The following PPP1R3C variants were observed in gnomAD, a reference collection of about 807,000 sequenced individuals.
PPP1R3C encodes PP1 subunit R5.
PPP1R3C carries 20 observed loss-of-function variants against 29.3 expected under a neutral mutation model. The observed-to-expected ratio is 0.68, with a 90% CI of 0.48 to 0.99. PPP1R3C has a LOEUF of 0.99. Ranked by LOEUF, PPP1R3C falls within the 50% of genes least tolerant of loss-of-function variation. The pLI is 0.00. For missense variants in PPP1R3C, 321 were observed against 386.0 expected (o/e 0.83, Z 1.41); for synonymous variants, 123 against 143.1 (o/e 0.86, Z 1.00).
chr10:91,630,271 T>C lies in PPP1R3C; in HGVS notation c.610A>G (p.Met204Val), dbSNP rs754068775. Residue 204 changes from methionine (M) to valine (V), a missense_variant, in exon 2 of 2, where the codon ATG (methionine) becomes GTG (valine). Transcript: ENST00000238994. This position sits in a 1 kb window ranked among gnomAD's most constrained non-coding sequence, Gnocchi z 4.4. ...KNYTDVDCVY[M>V]KNVYGGTDSD... ...TCTGTGCCACCATACACATTTTTCA[T>C]ATAGACACAGTCTACGTCAGTGTAG... The C allele has an allele frequency of 3.2e-5, 51 of 1,614,082 alleles. No homozygotes were observed. Among genetic ancestry groups the C allele is most frequent in the Non-Finnish European group, 4.0e-5 (47 of 1,180,020 alleles).
In PPP1R3C at chr10:91,629,862, CA is replaced by C; in HGVS notation, c.*64del. 6.4e-7 allele frequency: 1 copy of C among 1,552,080 alleles called. No individual in the cohort carries two copies. Among genetic ancestry groups the C allele is most frequent in the Non-Finnish European group, 8.9e-7 (1 of 1,128,798 alleles). Reference sequence around the variant, plus strand: ...GTAGCAAAGGCTTCCTAAAATTGAGCAATACAGACCTAGGATTGCATGGGGG... The same window carrying C: ...GTAGCAAAGGCTTCCTAAAATTGAGCATACAGACCTAGGATTGCATGGGGG... On this transcript the variant is annotated 3_prime_UTR_variant, in exon 2 of 2. Coordinates refer to ENST00000238994, the MANE Select transcript of PPP1R3C (RefSeq NM_005398.7).
At position 91,630,551 on chromosome 10, in the gene PPP1R3C, C is replaced by A; in HGVS notation, c.330G>T (p.Trp110Cys). ...GGTCCAAGAGATCAAACTGCAGATC[C>A]CACGCTGGTTCTTCTGGGAGGTCGG... ...VFSDLPEEPA[W>C]DLQFDLLDLN... is the part of the protein sequence containing the mutation. Residue 110 changes from tryptophan to cysteine, a missense_variant, in exon 2 of 2, where the codon TGG becomes TGT. Trp to Cys is a radical substitution (Grantham distance 215). Transcript: ENST00000238994. The surrounding 1 kb of genome is among the most constrained non-coding windows in gnomAD (Gnocchi z 4.4). 3 of 1,614,046 alleles carry A rather than the reference C, an allele frequency of 1.9e-6. No homozygotes were observed. The highest frequency in any genetic ancestry group is 2.5e-6 in the Non-Finnish European group (3 of 1,179,972).
intron 1 of PPP1R3C, among the ~76,000 whole-genome samples, chr10:91,632,570 G>C (rs1290205960): frequency 6.6e-6 from 1 of 152,142 alleles, no homozygotes; most frequent in African/African-American, 2.4e-5. Flanking sequence ...ACGTCGTCCT[G>C]TAATTTTTTT....
rs1848712696 is a variant in PPP1R3C at position 91,630,999 on chromosome 10, T to C, written c.15-133A>G. On this transcript the variant is annotated intron_variant, in intron 1 of 1. Coordinates refer to ENST00000238994, the MANE Select transcript of PPP1R3C (RefSeq NM_005398.7). The surrounding 1 kb of genome is among the most constrained non-coding windows in gnomAD (Gnocchi z 4.4). ...TAGATATCAGGCAGGTGCTATCATA[T>C]GTAGTAAAAGAGAACAGTATTAAGT... 5.0e-6 allele frequency: 4 copies of C among 793,342 alleles called. No individual in the cohort carries two copies. In the East Asian group the frequency reaches 8.0e-5, roughly 16 times the overall value. The allele number at this position is 793,342 out of a possible 1,614,324, so 49.1% of individuals were successfully genotyped here. A position where few individuals can be genotyped will look rare whatever the true frequency, so the allele number is the denominator to read the frequency against.
Position 91,629,424 on chromosome 10 carries a change from C to A in PPP1R3C, c.*503G>T. The A allele has an allele frequency of 6.1e-6, 1 of 163,434 alleles. No homozygotes were observed. Among genetic ancestry groups the A allele is most frequent in the Non-Finnish European group, 1.3e-5 (1 of 74,214 alleles). The allele number at this position is 163,434 out of a possible 1,614,324, so 10.1% of individuals were successfully genotyped here. A position where few individuals can be genotyped will look rare whatever the true frequency, so the allele number is the denominator to read the frequency against. ...AGGATACGTAGAATGGATCTTTTTC[C>A]CCTCCAGAAATAATTTCCCCAGGAA... On this transcript the variant is annotated 3_prime_UTR_variant, in exon 2 of 2. Transcript: ENST00000238994.
chr10:91,629,736 A>C lies in PPP1R3C; in HGVS notation c.*191T>G, dbSNP rs1212943478. The C allele has an allele frequency of 6.4e-6, 4 of 628,442 alleles. No individual in the cohort carries two copies. The highest frequency in any genetic ancestry group is 1.1e-5 in the Non-Finnish European group (4 of 364,888). 38.9% of individuals were successfully genotyped at this position (628,442 alleles called of 1,614,324 possible). ...CTGTTACTTGATCCTTCAAAGCCAA[A>C]TTGGGTAGCATCATCTGTACAGACC... On this transcript the variant is annotated 3_prime_UTR_variant, in exon 2 of 2. Transcript: ENST00000238994.
At chr10:91,631,736 A>T (rs1164826647) in intron 1 of PPP1R3C, among the ~76,000 whole-genome samples, 2 of 152,196 alleles carry the variant, frequency 1.3e-5, no homozygotes, top group African/African-American at 2.4e-5. Flanking sequence ...AAGTGGAAAA[A>T]CTGATTACCT....
rs949125386 is a variant in PPP1R3C, at chr10:91,630,278, A to G, written c.603T>C (p.Cys201=). 7 of 1,614,094 alleles carry G rather than the reference A, an allele frequency of 4.3e-6. No individual in the cohort carries two copies. The African/African-American group carries it at 6.7e-5, about 15-fold the overall frequency. The change falls in exon 2 of 2, where the codon TGT becomes TGC. Residue 201 remains cysteine (C), a synonymous_variant. Coordinates refer to ENST00000238994, the MANE Select transcript of PPP1R3C (RefSeq NM_005398.7). The surrounding 1 kb of genome is among the most constrained non-coding windows in gnomAD (Gnocchi z 4.4). ...DSWKNYTDVD[C]VYMKNVYGGT... is the part of the protein sequence containing the mutation. ...CACCATACACATTTTTCATATAGAC[A>G]CAGTCTACGTCAGTGTAGTTTTTCC...
Position 91,630,473 on chromosome 10 carries a change from T to TA in PPP1R3C, c.407dup (p.Leu136PhefsTer39). On this transcript the variant is annotated frameshift_variant, in exon 2 of 2. Transcript: ENST00000238994. LOFTEE classifies it high-confidence loss of function. This position sits in a 1 kb window ranked among gnomAD's most constrained non-coding sequence, Gnocchi z 4.4. ...AATCGGTTGAAGGCTGAGGGAAATC[T>TA]AAAATCAAGTTTTTCTCCTCGTGGT... 6.2e-7 allele frequency: 1 copy of TA among 1,614,196 alleles called. No homozygotes were observed.
In PPP1R3C at chr10:91,629,941, C is replaced by T; in HGVS notation, c.940G>A (p.Ala314Thr). 2 of 1,614,150 alleles carry T rather than the reference C, an allele frequency of 1.2e-6. No homozygotes were observed. The highest frequency in any genetic ancestry group is 1.7e-6 in the Non-Finnish European group (2 of 1,180,042). The stretch of plus-strand genomic sequence containing the variant: ...TGTTGCTTAATTCATCGATAAGAGG[C>T]CAAGTTCTCCATTCTCCCCCAGCTC... Reference protein sequence around the residue: ...WQSWGRMENLASYR With the variant: ...WQSWGRMENLTSYR The change falls in exon 2 of 2, where the codon GCC becomes ACC. Residue 314 changes from alanine to threonine, a missense_variant. By Grantham distance (58) the Ala-to-Thr change is moderately conservative. Transcript: ENST00000238994.
chr10:91,630,884 GA>G lies in PPP1R3C; in HGVS notation c.15-19del, dbSNP rs773470559. On this transcript the variant is annotated intron_variant, in intron 1 of 1. Coordinates refer to ENST00000238994, the MANE Select transcript of PPP1R3C (RefSeq NM_005398.7). This position sits in a 1 kb window ranked among gnomAD's most constrained non-coding sequence, Gnocchi z 4.4. Reference sequence around the variant, plus strand: ...GGATCATTCTGGAATGCAAAAAGAAGAGGGATTATCACCTGGATCGGAAATG... The same window carrying G: ...GGATCATTCTGGAATGCAAAAAGAAGGGGATTATCACCTGGATCGGAAATG... 27 of 1,596,850 alleles carry G rather than the reference GA, an allele frequency of 1.7e-5. No homozygotes were observed. Among genetic ancestry groups the G allele is most frequent in the African/African-American group, 4.0e-5 (3 of 74,694 alleles).
intron 1 of PPP1R3C, 75 bp downstream of exon 1, chr10:91,632,881 C>A: frequency 6.4e-7 from 1 of 1,557,786 alleles, no homozygotes; most frequent in Non-Finnish European, 8.7e-7. Flanking sequence ...GATGATAGAA[C>A]TGAAACGCCC....
chr10:91,630,523 T>C lies in PPP1R3C; in HGVS notation c.358A>G (p.Asn120Asp), dbSNP rs755589961. ...WDLQFDLLDL[N>D]DISSALKHHE... ...TGTTTTAAGGCAGAGGAGATATCAT[T>C]AAGGTCCAAGAGATCAAACTGCAGA... Residue 120 changes from asparagine (N) to aspartate (D), a missense_variant, in exon 2 of 2, where the codon AAT (asparagine) becomes GAT (aspartate). Transcript: ENST00000238994. This position sits in a 1 kb window ranked among gnomAD's most constrained non-coding sequence, Gnocchi z 4.4. The C allele has an allele frequency of 1.2e-4, 200 of 1,614,056 alleles. No homozygotes were observed. The East Asian group carries it at 4.4e-3, about 36-fold the overall frequency.
At position 91,629,744 on chromosome 10, in the gene PPP1R3C, G is replaced by C; in HGVS notation, c.*183C>G. 3.1e-6 allele frequency: 2 copies of C among 652,436 alleles called. No homozygotes were observed. The highest frequency in any genetic ancestry group is 5.3e-6 in the Non-Finnish European group (2 of 380,754). The allele number at this position is 652,436 out of a possible 1,614,324, so 40.4% of individuals were successfully genotyped here. On this transcript the variant is annotated 3_prime_UTR_variant, in exon 2 of 2. Transcript: ENST00000238994. ...TGATCCTTCAAAGCCAAATTGGGTAGCATCATCTGTACAGACCCCAACACT... is the reference window on the plus strand; with the variant it reads ...TGATCCTTCAAAGCCAAATTGGGTACCATCATCTGTACAGACCCCAACACT...
In PPP1R3C at chr10:91,630,916, C is replaced by T. The variant is rs187838198; in HGVS notation, c.15-50G>A. The stretch of plus-strand genomic sequence containing the variant: ...TATCACCTGGATCGGAAATGCTCTT[C>T]CCCAGTGCCAAATACATATGTACTA... On this transcript the variant is annotated intron_variant, in intron 1 of 1. Coordinates refer to ENST00000238994, the MANE Select transcript of PPP1R3C (RefSeq NM_005398.7). This position sits in a 1 kb window ranked among gnomAD's most constrained non-coding sequence, Gnocchi z 4.4. 29 of 1,504,226 alleles carry T rather than the reference C, an allele frequency of 1.9e-5. No individual in the cohort carries two copies. The highest frequency in any genetic ancestry group is 2.6e-5 in the Non-Finnish European group (28 of 1,092,120). The allele number at this position is 1,504,226 out of a possible 1,614,324, so 93.2% of individuals were successfully genotyped here.
At chr10:91,632,407 T>G (rs1328428235) in intron 1 of PPP1R3C, among the ~76,000 whole-genome samples, 1 of 151,954 alleles carries the variant, frequency 6.6e-6, no homozygotes, top group Non-Finnish European at 1.5e-5. Flanking sequence ...TTTGTTTTTT[T>G]TTTTTTACTT....
chr10:91,629,584 C>T lies in PPP1R3C; in HGVS notation c.*343G>A, dbSNP rs1462573389. On this transcript the variant is annotated 3_prime_UTR_variant, in exon 2 of 2. Transcript: ENST00000238994. Reference sequence around the variant, plus strand: ...TTTCACACATTCCTCATACCATTAACACAGCTTTCCATCACCATCAGCCAT... The same window carrying T: ...TTTCACACATTCCTCATACCATTAATACAGCTTTCCATCACCATCAGCCAT... The T allele has an allele frequency of 2.7e-6, 1 of 363,798 alleles. No homozygotes were observed. The highest frequency in any genetic ancestry group is 5.1e-6 in the Non-Finnish European group (1 of 194,372). The allele number at this position is 363,798 out of a possible 1,614,324, so 22.5% of individuals were successfully genotyped here. A position where few individuals can be genotyped will look rare whatever the true frequency, so the allele number is the denominator to read the frequency against.
In PPP1R3C at chr10:91,630,535, G is replaced by A; in HGVS notation, c.346C>T (p.Leu116Phe). The change falls in exon 2 of 2, where the codon CTC becomes TTC. Residue 116 changes from leucine (L) to phenylalanine (F), a missense_variant. Coordinates refer to ENST00000238994, the MANE Select transcript of PPP1R3C (RefSeq NM_005398.7). The surrounding 1 kb of genome is among the most constrained non-coding windows in gnomAD (Gnocchi z 4.4). ...EEPAWDLQFD[L>F]LDLNDISSAL... ...GAGGAGATATCATTAAGGTCCAAGA[G>A]ATCAAACTGCAGATCCCACGCTGGT... The A allele has an allele frequency of 3.1e-6, 5 of 1,614,136 alleles. No homozygotes were observed. The highest frequency in any genetic ancestry group is 1.6e-4 in the Middle Eastern group (1 of 6,062).
rs746800496 is a variant in PPP1R3C, at chr10:91,630,738, C to T, written c.143G>A (p.Arg48Gln). 1.9e-6 allele frequency: 3 copies of T among 1,614,126 alleles called. No homozygotes were observed. Among genetic ancestry groups the T allele is most frequent in the South Asian group, 1.1e-5 (1 of 91,072 alleles). Residue 48 changes from arginine (R) to glutamine (Q), a missense_variant, in exon 2 of 2, where the codon CGA becomes CAA. By Grantham distance (43) the Arg-to-Gln change is conservative. Transcript: ENST00000238994. The surrounding 1 kb of genome is among the most constrained non-coding windows in gnomAD (Gnocchi z 4.4). Reference sequence around the variant, plus strand: ...CTTTAATTTATTCACAAAATGTCGTCGTTGAAATTCATCGTACGGGCCCAG... The same window carrying T: ...CTTTAATTTATTCACAAAATGTCGTTGTTGAAATTCATCGTACGGGCCCAG... ...SFLGPYDEFQ[R>Q]RHFVNKLKPL... is the part of the protein sequence containing the mutation.
Sources: allele counts gnomAD v4.1 joint callset (sites outside exome capture counted in the v4.1 genomes callset), GRCh38; gene constraint gnomAD v4.1.1; non-coding constraint Gnocchi (gnomAD v3.1); transcripts MANE v1.5; gene names NCBI Gene and HGNC (gene_info 2026-07-23, HGNC 2026-07-21).